The following PCDH9 variants were observed in gnomAD, a reference collection of about 807,000 sequenced individuals.
PCDH9 encodes protocadherin 9.
A neutral mutation model predicts 70.6 loss-of-function variants in PCDH9; 24 were observed. The ratio of observed to expected loss-of-function variants is 0.34; its 90% CI spans 0.25 to 0.48. The LOEUF (loss-of-function observed/expected upper bound fraction) is 0.48. Ranked by LOEUF, PCDH9 falls within the 20% of genes least tolerant of loss-of-function variation. The probability of loss-of-function intolerance (pLI) is 0.99; values close to 1 mark genes in which losing one functional copy is unlikely to be tolerated. For synonymous variants in PCDH9, 562 were observed against 558.5 expected (o/e 1.01, Z -0.09); for missense variants, 1,281 against 1,503.6 (o/e 0.85, Z 2.45).
At chr13:67,127,545 T>C (rs1174644156) in intron 2 of PCDH9, among the ~76,000 whole-genome samples, 1 of 151,790 alleles carries the variant, frequency 6.6e-6, no homozygotes, top group Admixed American at 6.6e-5. Context: ...ATGTGTATCC[T>C]TTTTTGCACT....
rs1002741169 is a variant in PCDH9, at chr13:66,602,215, C to CA, written c.3340+28994dup. 1.2e-4 allele frequency among the ~76,000 whole-genome samples: 18 copies of CA among 145,526 alleles called. 5 individuals carry two copies. Among genetic ancestry groups the CA allele is most frequent in the Non-Finnish European group, 2.5e-4 (16 of 64,732 alleles). Reference sequence around the variant, plus strand: ...GATAAACTAAAATAAATCACACACACAAAAAAAATCTCATCATGTTTTAAG... The same window carrying CA: ...GATAAACTAAAATAAATCACACACACAAAAAAAAATCTCATCATGTTTTAAG... On this transcript the variant is annotated intron_variant, in intron 4 of 4. Transcript: ENST00000377865.
chr13:66,551,574 A>C (rs1246156540), intron 4 of PCDH9, among the ~76,000 whole-genome samples: 1 of 152,188 alleles, frequency 6.6e-6, no homozygotes, highest in Non-Finnish European at 1.5e-5. Flanking sequence ...TCTAATTGAT[A>C]GTGTAAACAT....
chr13:66,745,901 T>G (rs2139213539), intron 3 of PCDH9, among the ~76,000 whole-genome samples: 1 of 152,332 alleles, frequency 6.6e-6, no homozygotes. Flanking sequence ...ATTTTTACTT[T>G]GCTCAAGCAC....
At chr13:67,228,752 C>A (rs932579018) in intron 1 of PCDH9, among the ~76,000 whole-genome samples, 177 bp from the exon 2 acceptor site, 1 of 152,088 alleles carries the variant, frequency 6.6e-6, no homozygotes. Flanking sequence ...TTGCATTTGC[C>A]GGGAGAAAAT....
At chr13:66,566,244 A>G (rs755501997) in intron 4 of PCDH9, among the ~76,000 whole-genome samples, 7 of 152,178 alleles carry the variant, frequency 4.6e-5, no homozygotes, top group Non-Finnish European at 1.0e-4. Context: ...GCTTGTTTTT[A>G]TACAAGAAAG....
At chr13:67,083,404 A>T (rs974517599) in intron 2 of PCDH9, among the ~76,000 whole-genome samples, 4 of 152,152 alleles carry the variant, frequency 2.6e-5, no homozygotes, top group African/African-American at 7.2e-5. Context: ...AAATTATGTC[A>T]CTGGCATTAA....
At chr13:67,159,630 C>T (rs1033893868) in intron 2 of PCDH9, among the ~76,000 whole-genome samples, 4 of 152,250 alleles carry the variant, frequency 2.6e-5, no homozygotes, top group African/African-American at 2.4e-5. Context: ...TAAACATTCT[C>T]ATTAAAACCT....
intron 3 of PCDH9, among the ~76,000 whole-genome samples, chr13:66,773,199 T>C (rs1403039236): frequency 2.0e-5 from 3 of 152,208 alleles, no homozygotes; most frequent in Admixed American, 2.0e-4. Flanking sequence ...CCAATAGAAT[T>C]TCCTTCAACG....
intron 4 of PCDH9, among the ~76,000 whole-genome samples, chr13:66,497,946 A>G (rs1304609563): frequency 1.3e-5 from 2 of 148,326 alleles, no homozygotes; most frequent in Non-Finnish European, 3.0e-5. Flanking sequence ...AGCCTCCCCA[A>G]GTAGCTGGGA....
At chr13:66,769,065 G>A (rs1343934789) in intron 3 of PCDH9, among the ~76,000 whole-genome samples, 2 of 152,026 alleles carry the variant, frequency 1.3e-5, no homozygotes, top group Non-Finnish European at 2.9e-5. Flanking sequence ...TTTTCATGGA[G>A]AAGGACTGAT....
intron 4 of PCDH9, among the ~76,000 whole-genome samples, chr13:66,450,882 G>A (rs1958193754): frequency 6.6e-6 from 1 of 152,106 alleles, no homozygotes; most frequent in Non-Finnish European, 1.5e-5. Flanking sequence ...GCCAGGCGTG[G>A]TGGCGGCCCC....
intron 3 of PCDH9, among the ~76,000 whole-genome samples, chr13:66,800,385 C>G (rs946732409): frequency 1.3e-5 from 2 of 152,042 alleles, no homozygotes; most frequent in African/African-American, 4.8e-5. Flanking sequence ...TTTGCCCTAC[C>G]CCCACTAGCA....
At chr13:66,671,553 C>T (rs1195858166) in intron 3 of PCDH9, among the ~76,000 whole-genome samples, 1 of 152,154 alleles carries the variant, frequency 6.6e-6, no homozygotes, top group Non-Finnish European at 1.5e-5. Flanking sequence ...GAAGTCCAGG[C>T]TGAGGTGGTC....
intron 2 of PCDH9, among the ~76,000 whole-genome samples, chr13:67,106,718 G>T (rs909448907): frequency 8.5e-5 from 13 of 152,210 alleles, no homozygotes; most frequent in Admixed American, 7.2e-4. Flanking sequence ...GGGCATCCCT[G>T]TGCTCCTGGG....
chr13:66,853,707 T>C (rs2081351204), intron 3 of PCDH9, among the ~76,000 whole-genome samples: 1 of 151,966 alleles, frequency 6.6e-6, no homozygotes, highest in Non-Finnish European at 1.5e-5. Flanking sequence ...CACTTACAAA[T>C]AAACCTTGGG....
intron 2 of PCDH9, among the ~76,000 whole-genome samples, chr13:66,912,905 T>C (rs2082492870): frequency 6.6e-6 from 1 of 152,086 alleles, no homozygotes; most frequent in South Asian, 2.1e-4. Context: ...TTGAATATAA[T>C]TTCTAGTATT....
chr13:66,724,954 A>G (rs922268067), intron 3 of PCDH9, among the ~76,000 whole-genome samples: 3 of 152,114 alleles, frequency 2.0e-5, no homozygotes, highest in Non-Finnish European at 2.9e-5. Context: ...AATGTTTGAG[A>G]TTTAAATATT....
At chr13:66,778,379 C>T (rs904255763) in intron 3 of PCDH9, among the ~76,000 whole-genome samples, 5 of 152,036 alleles carry the variant, frequency 3.3e-5, no homozygotes, top group Non-Finnish European at 4.4e-5. Flanking sequence ...AAAAATAGCC[C>T]CTGGGTTTGC....
Position 67,000,732 on chromosome 13 carries a change from A to G in PCDH9, c.3037-97127T>C, listed in dbSNP as rs186661245. ...AGAATCAATATTTCTTTGTGCAGTA[A>G]GAAACTAATACCATTCTTAATTTCT... On this transcript the variant is annotated intron_variant, in intron 2 of 4. Coordinates refer to ENST00000377865, the MANE Select transcript of PCDH9 (RefSeq NM_203487.3). Among the ~76,000 whole-genome samples the G allele has an allele frequency of 2.8e-3, 421 of 152,310 alleles. 2 individuals are homozygous for G. The highest frequency in any genetic ancestry group is 0.018 in the Admixed American group (276 of 15,292).
Sources: gnomAD v4.1 joint callset for allele counts (sites outside exome capture counted in the v4.1 genomes callset) on GRCh38, gnomAD v4.1.1 for gene constraint, MANE v1.5 for transcripts, NCBI Gene and HGNC (gene_info 2026-07-23, HGNC 2026-07-21) for gene names.